Variants in CCSER1 observed in about 807,000 individuals in gnomAD.
CCSER1 encodes coiled-coil serine rich protein 1, also known as serine-rich coiled-coil domain-containing protein 1.
Under a neutral mutation model 82.0 loss-of-function variants are expected in CCSER1, and 41 were observed. The ratio of observed to expected loss-of-function variants is 0.50; its 90% CI spans 0.39 to 0.65. The LOEUF (loss-of-function observed/expected upper bound fraction) is 0.65. Among genes scored for constraint, CCSER1 ranks in the 30% least tolerant of loss-of-function variants. The pLI is 0.00. For synonymous variants in CCSER1, 414 were observed against 383.9 expected, an observed-to-expected ratio of 1.08 and a Z score of -0.92; for missense variants, 1,119 against 1,064.2, an observed-to-expected ratio of 1.05 and a Z score of -0.72.
At chr4:90,265,549 TA>T (rs2153450781) in intron 1 of CCSER1, among the ~76,000 whole-genome samples, 1 of 152,054 alleles carries the variant, frequency 6.6e-6, no homozygotes, top group African/African-American at 2.4e-5. Context: ...GCCATGTTTT[TA>T]AAAATGCCAA....
intron 7 of CCSER1, chr4:90,781,531 C>A (rs993747241): frequency 2.0e-6 from 2 of 983,656 alleles, no homozygotes; most frequent in Non-Finnish European, 2.4e-6. Context: ...AAACTTGAAA[C>A]ACTTTTTTTT....
chr4:91,557,327 G>T (rs1252094764), intron 10 of CCSER1, among the ~76,000 whole-genome samples: 1 of 151,292 alleles, frequency 6.6e-6, no homozygotes, highest in African/African-American at 2.4e-5. Context: ...TTGACTTAAA[G>T]TTATAAGATA....
At chr4:90,885,750 A>T (rs1203241033) in intron 8 of CCSER1, among the ~76,000 whole-genome samples, 2 of 152,180 alleles carry the variant, frequency 1.3e-5, no homozygotes. Flanking sequence ...TCTTAATGAA[A>T]TGCTGAATTT....
intron 10 of CCSER1, among the ~76,000 whole-genome samples, chr4:91,096,055 T>C (rs894225659): frequency 4.6e-5 from 7 of 152,126 alleles, no homozygotes; most frequent in Admixed American, 2.6e-4. Flanking sequence ...GGCTTTTCAG[T>C]GTAAGATGGA....
intron 10 of CCSER1, among the ~76,000 whole-genome samples, chr4:91,550,258 C>T (rs188334402): frequency 2.0e-5 from 3 of 152,306 alleles, no homozygotes; most frequent in East Asian, 3.9e-4. Context: ...GTAAGGACTT[C>T]GTAGGGCTTT....
At position 90,256,804 on chromosome 4, in the gene CCSER1, C is replaced by T. The variant is rs9997537; in HGVS notation, c.-41-51440C>T. ...CACGACTTAAGTTATCTGCAGTCAA[C>T]CATGGTATAAAAATAGTTGAATACA... is the stretch of plus-strand genomic sequence containing the variant. On this transcript the variant is annotated intron_variant, in intron 1 of 10. Coordinates refer to ENST00000509176, the MANE Select transcript of CCSER1 (RefSeq NM_001145065.2). Among the ~76,000 whole-genome samples the T allele has an allele frequency of 6.4e-3, 970 of 152,012 alleles. 3 individuals are homozygous for T. The highest frequency in any genetic ancestry group is 9.6e-3 in the Non-Finnish European group (651 of 67,942).
intron 8 of CCSER1, among the ~76,000 whole-genome samples, chr4:90,893,760 TGTGTGTGTGTGTGTGC>T (rs1350615194): frequency 8.0e-6 from 1 of 124,872 alleles, no homozygotes; most frequent in African/African-American, 3.9e-5. Flanking sequence ...AATTCTTGTG[TGTGTGTGTGTGTGTGC>T]GTGTGTGTGT....
At chr4:91,095,793 C>T (rs1002547409) in intron 10 of CCSER1, among the ~76,000 whole-genome samples, 5 of 151,972 alleles carry the variant, frequency 3.3e-5, no homozygotes, top group Non-Finnish European at 5.9e-5. Context: ...CTCCCAGTAT[C>T]GTTTTAACCT....
In CCSER1 at chr4:90,482,266, T is replaced by G. The variant is rs561731283; in HGVS notation, c.1724+13912T>G. Among the ~76,000 whole-genome samples the G allele has an allele frequency of 3.3e-5, 5 of 152,340 alleles. No individual in the cohort carries two copies. In the South Asian group the frequency reaches 1.0e-3, roughly 32 times the overall value. On this transcript the variant is annotated intron_variant, in intron 5 of 10. Transcript: ENST00000509176. The stretch of plus-strand genomic sequence containing the variant: ...ATCTATTTGATTCTTCTCTCATTTC[T>G]TCTTTATTAGTCTTGCTAGTGGTCT...
intron 10 of CCSER1, among the ~76,000 whole-genome samples, chr4:91,111,855 A>G (rs1726124416): frequency 6.6e-6 from 1 of 151,696 alleles, no homozygotes; most frequent in East Asian, 1.9e-4. Flanking sequence ...AAACAGAAAA[A>G]AAAAAAAAAG....
At chr4:90,532,832 G>C (rs1774738637) in intron 5 of CCSER1, among the ~76,000 whole-genome samples, 1 of 152,022 alleles carries the variant, frequency 6.6e-6, no homozygotes, top group Admixed American at 6.6e-5. Flanking sequence ...CTTGTACTTT[G>C]AGTAGCTTCC....
At chr4:90,490,074 C>CTA (rs1767735976) in intron 5 of CCSER1, among the ~76,000 whole-genome samples, 2 of 152,092 alleles carry the variant, frequency 1.3e-5, no homozygotes, top group African/African-American at 4.8e-5. Flanking sequence ...ATTTCTAGTT[C>CTA]GATATCCCTG....
chr4:91,020,585 C>T (rs1159293159), intron 9 of CCSER1, among the ~76,000 whole-genome samples: 2 of 152,040 alleles, frequency 1.3e-5, no homozygotes, highest in Admixed American at 6.6e-5. Flanking sequence ...TGGCGTGAAC[C>T]CAGAAGGCGG....
At chr4:90,946,393 G>C (rs945893007) in intron 9 of CCSER1, among the ~76,000 whole-genome samples, 3 of 152,198 alleles carry the variant, frequency 2.0e-5, no homozygotes, top group Non-Finnish European at 2.9e-5. Flanking sequence ...CACTTTGGGA[G>C]GCTGAGGTGG....
At chr4:90,581,508 G>A (rs1188180357) in intron 5 of CCSER1, among the ~76,000 whole-genome samples, 2 of 152,064 alleles carry the variant, frequency 1.3e-5, no homozygotes, top group Admixed American at 6.6e-5. Flanking sequence ...GGGTATGTGT[G>A]TGTGTTTGTG....
At chr4:91,308,848 C>CTGTGTT (rs2149250105) in intron 10 of CCSER1, among the ~76,000 whole-genome samples, 1 of 151,854 alleles carries the variant, frequency 6.6e-6, no homozygotes, top group Non-Finnish European at 1.5e-5. Context: ...CAGGAGCAAC[C>CTGTGTT]AAATAAATGT....
intron 4 of CCSER1, among the ~76,000 whole-genome samples, chr4:90,449,146 A>G (rs1301314866): frequency 1.3e-5 from 2 of 151,914 alleles, no homozygotes; most frequent in African/African-American, 2.4e-5. Flanking sequence ...AGGAGACCCA[A>G]TGTGGATAGC....
At chr4:91,281,121 C>T (rs532927813) in intron 10 of CCSER1, among the ~76,000 whole-genome samples, 6 of 152,256 alleles carry the variant, frequency 3.9e-5, no homozygotes, top group African/African-American at 7.2e-5. Context: ...ACTTACCCTT[C>T]CCTTGTTTTG....
intron 10 of CCSER1, among the ~76,000 whole-genome samples, chr4:91,088,718 G>A (rs1018332457): frequency 1.3e-5 from 2 of 150,872 alleles, no homozygotes; most frequent in African/African-American, 4.9e-5. Flanking sequence ...AGGGAGATTA[G>A]TAGAATGCTA....
Sources: gnomAD v4.1 joint callset for allele counts (sites outside exome capture counted in the v4.1 genomes callset) on GRCh38, gnomAD v4.1.1 for gene constraint, MANE v1.5 for transcripts, NCBI Gene and HGNC (gene_info 2026-07-23, HGNC 2026-07-21) for gene names.